Variants in INPP4B observed in about 807,000 individuals in gnomAD.
INPP4B encodes inositol polyphosphate 4-phosphatase type II.
A neutral mutation model predicts 122.5 loss-of-function variants in INPP4B; 55 were observed. That is an observed-to-expected ratio of 0.45 (90% CI 0.36 to 0.56). The LOEUF (loss-of-function observed/expected upper bound fraction) is 0.56, where lower values mean the gene tolerates loss of function less well. Among genes scored for constraint, INPP4B ranks in the 20% least tolerant of loss-of-function variants. INPP4B has a pLI of 0.00. For synonymous variants in INPP4B, 403 were observed against 388.7 expected, an observed-to-expected ratio of 1.04 and a Z score of -0.43; for missense variants, 1,000 against 1,097.7, an observed-to-expected ratio of 0.91 and a Z score of 1.26.
At chr4:142,269,700 G>A (rs1244368497) in intron 10 of INPP4B, among the ~76,000 whole-genome samples, 1 of 152,130 alleles carries the variant, frequency 6.6e-6, no homozygotes, top group Non-Finnish European at 1.5e-5. Flanking sequence ...ATTGCTGCAA[G>A]GAGAAATTTT....
chr4:142,545,782 CAT>C (rs1320677322), intron 2 of INPP4B, among the ~76,000 whole-genome samples: 7 of 128,794 alleles, frequency 5.4e-5, no homozygotes, highest in Admixed American at 3.4e-4. Flanking sequence ...TATATATACA[CAT>C]ATATATGTGT....
intron 2 of INPP4B, among the ~76,000 whole-genome samples, chr4:142,722,668 G>A (rs1764839520): frequency 1.3e-5 from 2 of 152,026 alleles, no homozygotes; most frequent in Admixed American, 6.6e-5. Context: ...CCATAAAAAT[G>A]TTCAATGATT....
chr4:142,247,154 G>A (rs28839238), intron 11 of INPP4B, among the ~76,000 whole-genome samples: 1,894 of 152,212 alleles, frequency 0.012, 44 homozygotes, highest in African/African-American at 0.042. Flanking sequence ...TGACTTGACC[G>A]TGGTGGATAA....
chr4:142,087,937 A>G (rs1230755556), intron 23 of INPP4B, among the ~76,000 whole-genome samples: 1 of 152,180 alleles, frequency 6.6e-6, no homozygotes, highest in Non-Finnish European at 1.5e-5. Context: ...GTTGGGTACA[A>G]TTCAGATAGG....
intron 11 of INPP4B, among the ~76,000 whole-genome samples, chr4:142,251,186 C>G (rs965042418): frequency 6.6e-6 from 1 of 152,084 alleles, no homozygotes; most frequent in Non-Finnish European, 1.5e-5. Flanking sequence ...AACCAATAAG[C>G]ATGACAAAAT....
At chr4:142,086,555 T>C (rs916344946) in intron 23 of INPP4B, among the ~76,000 whole-genome samples, 1 of 152,066 alleles carries the variant, frequency 6.6e-6, no homozygotes, top group African/African-American at 2.4e-5. Context: ...GGTTTGGCCA[T>C]TGTCACCCAG....
chr4:142,602,392 G>A (rs1740216356), intron 2 of INPP4B, among the ~76,000 whole-genome samples: 1 of 151,986 alleles, frequency 6.6e-6, no homozygotes, highest in Non-Finnish European at 1.5e-5. Flanking sequence ...TGTAAAAATG[G>A]CAATACTTTC....
chr4:142,304,366 C>T (rs1762584990), intron 9 of INPP4B, among the ~76,000 whole-genome samples: 10 of 152,028 alleles, frequency 6.6e-5, no homozygotes, highest in Admixed American at 6.6e-4. Flanking sequence ...CCAACACCGA[C>T]ACCATATGTT....
At chr4:142,259,692 C>A (rs112922561) in intron 11 of INPP4B, among the ~76,000 whole-genome samples, 6,630 of 151,910 alleles carry the variant, frequency 0.044, 476 homozygotes, top group African/African-American at 0.15. Context: ...AAACATTTAG[C>A]TGAAAACACA....
chr4:142,501,655 C>CAATTA (rs1254771048), intron 2 of INPP4B, among the ~76,000 whole-genome samples: 1 of 151,526 alleles, frequency 6.6e-6, no homozygotes, highest in Non-Finnish European at 1.5e-5. Flanking sequence ...GGCAAAGTGA[C>CAATTA]AATTAAATAA....
chr4:142,175,588 C>T lies in INPP4B; in HGVS notation c.1182-1779G>A, dbSNP rs553823330. ...TTCAGATAAAACATACCTTAATTTG[C>T]TATCATGTATGTCTTAATGCAAGTT... On this transcript the variant is annotated intron_variant, in intron 15 of 25. Transcript: ENST00000262992. 9.9e-5 allele frequency among the ~76,000 whole-genome samples: 15 copies of T among 150,920 alleles called. No homozygotes were observed. The South Asian group carries it at 3.2e-3, about 32-fold the overall frequency.
chr4:142,128,392 C>G (rs951845737), intron 18 of INPP4B, among the ~76,000 whole-genome samples: 3 of 150,136 alleles, frequency 2.0e-5, no homozygotes, highest in Non-Finnish European at 4.4e-5. Flanking sequence ...CACACACATA[C>G]CTTTTTTATA....
At chr4:142,806,847 G>GAAAT (rs1491157652) in intron 1 of INPP4B, among the ~76,000 whole-genome samples, 3 of 149,832 alleles carry the variant, frequency 2.0e-5, no homozygotes, top group Non-Finnish European at 4.4e-5. Context: ...AAGAAAGAAA[G>GAAAT]AAAGGAGAAG....
intron 9 of INPP4B, among the ~76,000 whole-genome samples, chr4:142,278,064 T>C (rs1417882321): frequency 1.3e-5 from 2 of 151,762 alleles, no homozygotes; most frequent in Non-Finnish European, 2.9e-5. Context: ...TTAAAAATAA[T>C]AATAATAAAT....
At chr4:142,143,013 C>A (rs1356382044) in intron 18 of INPP4B, among the ~76,000 whole-genome samples, 1 of 152,048 alleles carries the variant, frequency 6.6e-6, no homozygotes, top group Non-Finnish European at 1.5e-5. Flanking sequence ...TCTTCTCTGC[C>A]TCGGCCCCAT....
chr4:142,834,111 A>G (rs773115974), intron 1 of INPP4B, among the ~76,000 whole-genome samples: 17 of 152,152 alleles, frequency 1.1e-4, no homozygotes, highest in Admixed American at 2.6e-4. Context: ...ATTTTACATT[A>G]TTATTGAACT....
intron 11 of INPP4B, among the ~76,000 whole-genome samples, chr4:142,255,770 C>T (rs543979750): frequency 1.8e-4 from 28 of 151,978 alleles, no homozygotes; most frequent in Non-Finnish European, 3.7e-4. Context: ...CTTTAACTCC[C>T]CACTGTCAAC....
intron 1 of INPP4B, among the ~76,000 whole-genome samples, chr4:142,789,376 G>T (rs984846095): frequency 6.6e-6 from 1 of 152,030 alleles, no homozygotes. Context: ...ATAAATTAAT[G>T]CAGCAAAGTT....
intron 1 of INPP4B, among the ~76,000 whole-genome samples, chr4:142,841,652 C>T (rs544164236): frequency 2.6e-5 from 4 of 152,002 alleles, no homozygotes; most frequent in African/African-American, 7.2e-5. Context: ...CTCACACTCT[C>T]TTTTGAGAAA....
Sources: allele counts gnomAD v4.1 joint callset (sites outside exome capture counted in the v4.1 genomes callset), GRCh38; gene constraint gnomAD v4.1.1; transcripts MANE v1.5; gene names NCBI Gene and HGNC (gene_info 2026-07-23, HGNC 2026-07-21).